IKZF3: variants seen among roughly 807,000 people sequenced by gnomAD.
IKZF3 encodes zinc finger protein Aiolos.
A neutral mutation model predicts 49.0 loss-of-function variants in IKZF3; 10 were observed. The observed-to-expected ratio is 0.20, with a 90% CI of 0.13 to 0.35. IKZF3 has a LOEUF of 0.35. Among genes scored for constraint, IKZF3 ranks in the 10% least tolerant of loss-of-function variants. The pLI is 1.00. For synonymous variants in IKZF3, 209 were observed against 228.2 expected (o/e 0.92, Z 0.76); for missense variants, 498 against 664.8 (o/e 0.75, Z 2.76).
chr17:39,758,599 C>T lies in IKZF3; in HGVS notation c.*7191G>A, dbSNP rs990639749. On this transcript the variant is annotated 3_prime_UTR_variant, in exon 8 of 8. Coordinates refer to ENST00000346872, the MANE Select transcript of IKZF3 (RefSeq NM_012481.5). ...CAGTGGAGAGATGAACAGTGAGAAA[C>T]ATTTGAAATAACTCAAGTTTTGGAG... 6.6e-6 allele frequency: 1 copy of T among 151,694 alleles called. No homozygotes were observed. Among genetic ancestry groups the T allele is most frequent in the African/African-American group, 2.4e-5 (1 of 41,236 alleles). The allele number at this position is 151,694 out of a possible 1,614,324, so 9.4% of individuals were successfully genotyped here.
intron 3 of IKZF3, among the ~76,000 whole-genome samples, chr17:39,798,621 T>A (rs550856012): frequency 6.6e-6 from 1 of 152,052 alleles, no homozygotes; most frequent in Non-Finnish European, 1.5e-5. Flanking sequence ...TTCTCTTGGC[T>A]CAGCCTCCTG....
chr17:39,772,804 A>G (rs2060477391), intron 7 of IKZF3, among the ~76,000 whole-genome samples: 1 of 152,078 alleles, frequency 6.6e-6, no homozygotes, highest in African/African-American at 2.4e-5. Flanking sequence ...GCCCTTCTTC[A>G]AGGGTTTTTT....
intron 1 of IKZF3, among the ~76,000 whole-genome samples, chr17:39,855,927 G>T (rs371603555): frequency 2.0e-5 from 3 of 151,038 alleles, no homozygotes; most frequent in Non-Finnish European, 4.4e-5. Context: ...TATAATATAC[G>T]ATGATGATGT....
chr17:39,784,744 A>T (rs2060833503), intron 6 of IKZF3, among the ~76,000 whole-genome samples: 1 of 152,144 alleles, frequency 6.6e-6, no homozygotes, highest in Non-Finnish European at 1.5e-5. Context: ...ACCTTAACTC[A>T]TCTTTACAAA....
intron 3 of IKZF3, among the ~76,000 whole-genome samples, chr17:39,822,137 C>T (rs952093968): frequency 6.6e-6 from 1 of 152,150 alleles, no homozygotes; most frequent in Admixed American, 6.5e-5. Context: ...CCTTTCAATG[C>T]CAACTGGAAT....
At chr17:39,835,235 C>G in intron 1 of IKZF3, 4 of 534,316 alleles carry the variant, frequency 7.5e-6, no homozygotes, top group South Asian at 6.0e-5. Flanking sequence ...CCTCCAGCAA[C>G]TTCCTGTAGG....
At chr17:39,847,591 T>C (rs1214637107) in intron 1 of IKZF3, among the ~76,000 whole-genome samples, 1 of 152,154 alleles carries the variant, frequency 6.6e-6, no homozygotes, top group African/African-American at 2.4e-5. Flanking sequence ...CCACCCAGTT[T>C]CCTGACCATG....
chr17:39,794,894 A>C (rs1358620407), intron 3 of IKZF3, among the ~76,000 whole-genome samples: 2 of 152,134 alleles, frequency 1.3e-5, no homozygotes, highest in African/African-American at 4.8e-5. Context: ...CCAAAGCTTG[A>C]GTGCTCTTCA....
At chr17:39,812,764 A>G (rs948999448) in intron 3 of IKZF3, among the ~76,000 whole-genome samples, 1 of 152,214 alleles carries the variant, frequency 6.6e-6, no homozygotes, top group African/African-American at 2.4e-5. Flanking sequence ...CTCTTAATCC[A>G]GCTGGAAGGA....
chr17:39,829,753 A>G (rs2062058985), intron 2 of IKZF3, among the ~76,000 whole-genome samples: 1 of 152,088 alleles, frequency 6.6e-6, no homozygotes, highest in Non-Finnish European at 1.5e-5. Context: ...GGAGTTCGAG[A>G]CCAGCCTGGC....
chr17:39,857,308 T>C (rs1598232518), intron 1 of IKZF3, among the ~76,000 whole-genome samples: 1 of 152,214 alleles, frequency 6.6e-6, no homozygotes, highest in Admixed American at 6.5e-5. Context: ...CTAGAGGAAA[T>C]TGTTCTGATG....
intron 3 of IKZF3, among the ~76,000 whole-genome samples, chr17:39,793,835 A>G (rs1484189143): frequency 6.6e-6 from 1 of 152,254 alleles, no homozygotes; most frequent in Non-Finnish European, 1.5e-5. Flanking sequence ...CATGAAGAGC[A>G]TAAGAACATA....
rs28464000 is a variant in IKZF3 at position 39,848,221 on chromosome 17, C to T, written c.7+15899G>A. Among the ~76,000 whole-genome samples, 657 of 152,192 alleles carry T rather than the reference C, an allele frequency of 4.3e-3. 3 individuals are homozygous for T. The highest frequency in any genetic ancestry group is 0.015 in the African/African-American group (614 of 41,538). ...CCCTTTAAAAAAAAATAAAGCATTCCATTTTTTCTCCTAGATTAAGTGTTT... is the reference window on the plus strand; with the variant it reads ...CCCTTTAAAAAAAAATAAAGCATTCTATTTTTTCTCCTAGATTAAGTGTTT... On this transcript the variant is annotated intron_variant, in intron 1 of 7. Transcript: ENST00000346872.
chr17:39,829,392 A>G lies in IKZF3; in HGVS notation c.158T>C (p.Ile53Thr), dbSNP rs1356713414. Residue 53 changes from isoleucine (I) to threonine (T), a missense_variant, in exon 3 of 8, where the codon ATA becomes ACA. Ile to Thr is a moderately conservative substitution (Grantham distance 89). This residue lies in a region of IKZF3 where 97 missense variants were observed against 98.9 expected (regional missense o/e 0.98). Coordinates refer to ENST00000346872, the MANE Select transcript of IKZF3 (RefSeq NM_012481.5). ...GTCTGCACACTACGGCTCACCTCCT[A>G]TGTCTTCATCTTCATTGGCTGGGCC... ...GEGPANEDED[I>T]GDDSMKVKDE... The G allele has an allele frequency of 6.2e-7, 1 of 1,610,418 alleles. No homozygotes were observed. Among genetic ancestry groups the G allele is most frequent in the Non-Finnish European group, 8.5e-7 (1 of 1,176,850 alleles).
chr17:39,807,664 C>A (rs1346111456), intron 3 of IKZF3, among the ~76,000 whole-genome samples: 1 of 145,982 alleles, frequency 6.9e-6, no homozygotes, highest in Non-Finnish European at 1.5e-5. Flanking sequence ...CTAGGCAACA[C>A]AGTGAGATCC....
At chr17:39,815,700 G>A (rs2061664074) in intron 3 of IKZF3, among the ~76,000 whole-genome samples, 1 of 152,154 alleles carries the variant, frequency 6.6e-6, no homozygotes. Context: ...GGATCTCTGG[G>A]TTATTTCCTA....
At chr17:39,772,548 T>C (rs185146397) in intron 7 of IKZF3, among the ~76,000 whole-genome samples, 2 of 152,246 alleles carry the variant, frequency 1.3e-5, no homozygotes, top group Admixed American at 1.3e-4. Context: ...AAACTAACAC[T>C]TCTTGCAGGA....
intron 6 of IKZF3, 117 bp downstream of exon 6, chr17:39,788,141 T>C (rs2060917694): frequency 3.1e-6 from 2 of 636,666 alleles, no homozygotes; most frequent in Admixed American, 5.7e-5. Flanking sequence ...TCATTTACTT[T>C]CTTTATAATC....
intron 3 of IKZF3, among the ~76,000 whole-genome samples, chr17:39,821,408 G>T (rs2061807121): frequency 6.6e-6 from 1 of 152,104 alleles, no homozygotes; most frequent in Non-Finnish European, 1.5e-5. Context: ...AGGGGATGAG[G>T]AAATTTTGAT....
Sources: gnomAD v4.1 joint callset for allele counts (sites outside exome capture counted in the v4.1 genomes callset) on GRCh38, gnomAD v4.1.1 for gene constraint, gnomAD v4.1.1 regional missense constraint, MANE v1.5 for transcripts, NCBI Gene and HGNC (gene_info 2026-07-23, HGNC 2026-07-21) for gene names.